Variants in THSD7B observed in about 807,000 individuals in gnomAD.
THSD7B encodes thrombospondin type 1 domain containing 7B, also known as thrombospondin type-1 domain-containing protein 7B.
THSD7B carries 138 observed loss-of-function variants against 213.6 expected under a neutral mutation model. That is an observed-to-expected ratio of 0.65 (90% CI 0.56 to 0.74). The LOEUF is 0.74. Among genes scored for constraint, THSD7B ranks in the 30% least tolerant of loss-of-function variants. The probability of loss-of-function intolerance (pLI) is 0.00; values close to 1 mark genes in which losing one functional copy is unlikely to be tolerated. For synonymous variants in THSD7B, 742 were observed against 687.0 expected, an observed-to-expected ratio of 1.08 and a Z score of -1.25; for missense variants, 1,931 against 1,991.5, an observed-to-expected ratio of 0.97 and a Z score of 0.58.
At chr2:136,834,354 T>G (rs983142248) in intron 1 of THSD7B, among the ~76,000 whole-genome samples, 1 of 152,234 alleles carries the variant, frequency 6.6e-6, no homozygotes, top group African/African-American at 2.4e-5. Flanking sequence ...GAGTTGACTT[T>G]TGAATGCTGA....
chr2:137,205,301 G>A (rs924308759), intron 7 of THSD7B, among the ~76,000 whole-genome samples: 2 of 151,986 alleles, frequency 1.3e-5, no homozygotes, highest in Non-Finnish European at 2.9e-5. Flanking sequence ...GTACTCTGTG[G>A]TCCCAGAGGA....
chr2:137,450,083 G>A (rs757815330), intron 14 of THSD7B, among the ~76,000 whole-genome samples: 65 of 152,048 alleles, frequency 4.3e-4, no homozygotes, highest in Non-Finnish European at 7.9e-4. Context: ...TCAGTAAATC[G>A]GGCATCAAAT....
chr2:136,872,884 A>G (rs1347509208), intron 1 of THSD7B, among the ~76,000 whole-genome samples: 1 of 148,886 alleles, frequency 6.7e-6, no homozygotes, highest in Non-Finnish European at 1.5e-5. Flanking sequence ...ACTTGGATTT[A>G]TAAAGTAGGG....
At chr2:136,817,847 A>C (rs1682500911) in intron 1 of THSD7B, among the ~76,000 whole-genome samples, 2 of 148,718 alleles carry the variant, frequency 1.3e-5, no homozygotes, top group Non-Finnish European at 3.0e-5. Context: ...CCACAATGAG[A>C]TACCATCTCA....
At chr2:136,999,266 C>G (rs774784398) in intron 2 of THSD7B, among the ~76,000 whole-genome samples, 6 of 152,102 alleles carry the variant, frequency 3.9e-5, no homozygotes, top group Admixed American at 6.5e-5. Context: ...GAAAGCCATA[C>G]AGCTACCCCT....
At chr2:137,159,480 AG>A (rs1356209881) in intron 5 of THSD7B, among the ~76,000 whole-genome samples, 1 of 149,858 alleles carries the variant, frequency 6.7e-6, no homozygotes, top group African/African-American at 2.5e-5. Flanking sequence ...AAAAATAAAA[AG>A]AAAAAAAAAG....
intron 2 of THSD7B, among the ~76,000 whole-genome samples, chr2:136,946,215 G>T (rs953934310): frequency 6.6e-6 from 1 of 152,146 alleles, no homozygotes; most frequent in Non-Finnish European, 1.5e-5. Context: ...CTAACAGTCA[G>T]GTCCCTCAGC....
intron 10 of THSD7B, among the ~76,000 whole-genome samples, chr2:137,264,411 C>A (rs1322570102): frequency 6.6e-6 from 1 of 151,950 alleles, no homozygotes; most frequent in Admixed American, 6.6e-5. Flanking sequence ...CGCCACCATG[C>A]CTAATTTTTT....
chr2:137,621,543 C>T (rs1390643976), intron 20 of THSD7B, among the ~76,000 whole-genome samples: 3 of 152,144 alleles, frequency 2.0e-5, no homozygotes, highest in Admixed American at 1.3e-4. Flanking sequence ...TAAATGAAAA[C>T]AGAGGTGGCA....
intron 1 of THSD7B, among the ~76,000 whole-genome samples, chr2:136,773,891 TAAAA>T (rs79981561): frequency 7.0e-6 from 1 of 142,982 alleles, no homozygotes; most frequent in Non-Finnish European, 1.5e-5. Context: ...ATAATCTATT[TAAAA>T]AAAAAAAAAG....
At chr2:136,978,274 GA>G (rs1685516567) in intron 2 of THSD7B, among the ~76,000 whole-genome samples, 1 of 152,042 alleles carries the variant, frequency 6.6e-6, no homozygotes. Context: ...TGTTGTTTTG[GA>G]GTGGAGAATT....
At chr2:137,279,928 G>T (rs1446911747) in intron 12 of THSD7B, among the ~76,000 whole-genome samples, 2 of 152,120 alleles carry the variant, frequency 1.3e-5, no homozygotes, top group African/African-American at 4.8e-5. Context: ...AGGATTCTTT[G>T]TATCCCAGAG....
chr2:137,312,211 A>C (rs534646500), intron 12 of THSD7B, among the ~76,000 whole-genome samples: 7 of 152,308 alleles, frequency 4.6e-5, no homozygotes, highest in South Asian at 4.1e-4. Flanking sequence ...TCAGAGATTC[A>C]ACTTCTTCCT....
intron 5 of THSD7B, among the ~76,000 whole-genome samples, chr2:137,130,417 G>C (rs576120498): frequency 6.6e-6 from 1 of 151,980 alleles, no homozygotes; most frequent in South Asian, 2.1e-4. Flanking sequence ...TAGGGTACAT[G>C]TGCACAATGT....
chr2:137,451,041 A>G lies in THSD7B; in HGVS notation c.3138+18A>G. On this transcript the variant is annotated intron_variant, in intron 15 of 27. Coordinates refer to ENST00000409968, the MANE Select transcript of THSD7B (RefSeq NM_001316349.2). ...AGAATCAGGTAAAGTGCATGAAGCA[A>G]CAAATAAAAAGCTAAAAAAGCTATC... 1 of 1,535,092 alleles carries G rather than the reference A, an allele frequency of 6.5e-7. No individual in the cohort carries two copies. The highest frequency in any genetic ancestry group is 8.7e-7 in the Non-Finnish European group (1 of 1,143,300).
At chr2:137,662,062 CTTTTT>C (rs778872364) in intron 25 of THSD7B, among the ~76,000 whole-genome samples, 4 of 132,656 alleles carry the variant, frequency 3.0e-5, no homozygotes, top group Non-Finnish European at 3.2e-5. Flanking sequence ...TTTCTTTTTT[CTTTTT>C]TTTTTTTTTT....
intron 2 of THSD7B, among the ~76,000 whole-genome samples, chr2:136,986,578 A>G (rs1685676777): frequency 6.6e-6 from 1 of 152,228 alleles, no homozygotes; most frequent in East Asian, 1.9e-4. Context: ...ATTTCTTTAT[A>G]GTAATGCACA....
At chr2:137,054,118 A>G (rs1485418709) in intron 2 of THSD7B, among the ~76,000 whole-genome samples, 1 of 152,232 alleles carries the variant, frequency 6.6e-6, no homozygotes, top group Non-Finnish European at 1.5e-5. Context: ...TGAGTAATCT[A>G]CATTACCAGA....
intron 6 of THSD7B, among the ~76,000 whole-genome samples, chr2:137,165,004 T>A (rs1037891227): frequency 6.6e-6 from 1 of 152,052 alleles, no homozygotes; most frequent in Non-Finnish European, 1.5e-5. Context: ...GTTGTGTACA[T>A]GTACCCTAGA....
Sources: allele counts gnomAD v4.1 joint callset (sites outside exome capture counted in the v4.1 genomes callset), GRCh38; gene constraint gnomAD v4.1.1; transcripts MANE v1.5; gene names NCBI Gene and HGNC (gene_info 2026-07-23, HGNC 2026-07-21).